The following CNBD1 variants were observed in gnomAD, a reference collection of about 807,000 sequenced individuals.
CNBD1 encodes the protein cyclic nucleotide-binding domain-containing protein 1.
A neutral mutation model predicts 54.4 loss-of-function variants in CNBD1; 71 were observed. The ratio of observed to expected loss-of-function variants is 1.30; its 90% CI spans 1.08 to 1.59. The LOEUF (loss-of-function observed/expected upper bound fraction) is 1.59. Among genes scored for constraint, CNBD1 ranks in the 40% most tolerant of loss-of-function variants. CNBD1 has a pLI of 0.00. For missense variants in CNBD1, 659 were observed against 518.0 expected (o/e 1.27, Z -2.64); for synonymous variants, 182 against 170.7 (o/e 1.07, Z -0.51).
chr8:87,030,522 A>T (rs994454835), intron 4 of CNBD1, among the ~76,000 whole-genome samples: 4 of 152,118 alleles, frequency 2.6e-5, no homozygotes, highest in South Asian at 2.1e-4. Flanking sequence ...CTTTATCTCC[A>T]TGCTACATAT....
chr8:86,932,571 A>G lies in CNBD1; in HGVS notation c.273-7025A>G, dbSNP rs145095537. On this transcript the variant is annotated intron_variant, in intron 3 of 10. Transcript: ENST00000518476. ...TGAAAGGAAAGCTTGGACATAAGGT[A>G]TTTCACTCCATTTGCCTTCCCTCTT... 3.3e-4 allele frequency among the ~76,000 whole-genome samples: 50 copies of G among 152,208 alleles called. No homozygotes were observed. In the East Asian group the frequency reaches 8.3e-3, roughly 25 times the overall value.
At chr8:87,336,339 G>T (rs1158964769) in intron 8 of CNBD1, among the ~76,000 whole-genome samples, 1 of 152,040 alleles carries the variant, frequency 6.6e-6, no homozygotes, top group African/African-American at 2.4e-5. Flanking sequence ...ACTCCAGTTA[G>T]TTGTAGGTTC....
chr8:87,040,000 C>A (rs1252109135), intron 4 of CNBD1, among the ~76,000 whole-genome samples: 1 of 152,198 alleles, frequency 6.6e-6, no homozygotes, highest in Non-Finnish European at 1.5e-5. Context: ...CCATCAAATA[C>A]AGGGTCTGCA....
intron 4 of CNBD1, among the ~76,000 whole-genome samples, chr8:87,170,420 T>C (rs1377332811): frequency 1.3e-5 from 2 of 152,178 alleles, no homozygotes; most frequent in Non-Finnish European, 2.9e-5. Flanking sequence ...AACTTTCTCT[T>C]ATCTGATCGC....
rs145487004 is a variant in CNBD1, at chr8:86,945,151, GA to G, written c.431+5404del. On this transcript the variant is annotated intron_variant, in intron 4 of 10. Coordinates refer to ENST00000518476, the MANE Select transcript of CNBD1 (RefSeq NM_173538.3). Reference sequence around the variant, plus strand: ...TCTTCATAAATGACTAATTTCTGGGGAAAAAAAGTTATGTTTGTATGTATTT... The same window carrying G: ...TCTTCATAAATGACTAATTTCTGGGGAAAAAAGTTATGTTTGTATGTATTT... Among the ~76,000 whole-genome samples, 1,404 of 152,170 alleles carry G rather than the reference GA, an allele frequency of 9.2e-3. 19 individuals are homozygous for G. The highest frequency in any genetic ancestry group is 0.037 in the Middle Eastern group (11 of 294).
chr8:86,927,246 C>A (rs895531249), intron 3 of CNBD1, among the ~76,000 whole-genome samples: 1 of 151,970 alleles, frequency 6.6e-6, no homozygotes, highest in African/African-American at 2.4e-5. Context: ...GAGAAAAAAC[C>A]ATTTTGTATT....
At chr8:87,354,423 T>C (rs7830365) in intron 10 of CNBD1, among the ~76,000 whole-genome samples, 40,750 of 151,738 alleles carry the variant, frequency 0.27, 6,415 homozygotes, top group Middle Eastern at 0.41. Context: ...ATTATTATTA[T>C]ACTTTAAGTT....
At chr8:86,987,563 C>G (rs965037886) in intron 4 of CNBD1, among the ~76,000 whole-genome samples, 1 of 152,080 alleles carries the variant, frequency 6.6e-6, no homozygotes, top group Non-Finnish European at 1.5e-5. Context: ...TGAGAGTGGG[C>G]TTCCTTGTCT....
chr8:86,897,437 G>C (rs1437261223), intron 2 of CNBD1, among the ~76,000 whole-genome samples: 1 of 152,152 alleles, frequency 6.6e-6, no homozygotes, highest in Non-Finnish European at 1.5e-5. Context: ...ATGGTATGGA[G>C]TATGAAAAGA....
chr8:86,939,195 TTAAA>T (rs1809605783), intron 3 of CNBD1, among the ~76,000 whole-genome samples: 2 of 152,054 alleles, frequency 1.3e-5, no homozygotes, highest in Non-Finnish European at 2.9e-5. Flanking sequence ...TAAATAAAAG[TTAAA>T]TAATATAATT....
intron 4 of CNBD1, among the ~76,000 whole-genome samples, chr8:87,032,699 CCAAT>C (rs769829001): frequency 3.3e-5 from 5 of 152,132 alleles, no homozygotes; most frequent in Non-Finnish European, 7.3e-5. Flanking sequence ...CTATATGTTA[CCAAT>C]CATTCTTCCA....
At chr8:87,005,403 A>G (rs1408770166) in intron 4 of CNBD1, among the ~76,000 whole-genome samples, 1 of 152,058 alleles carries the variant, frequency 6.6e-6, no homozygotes, top group Non-Finnish European at 1.5e-5. Flanking sequence ...CCAAATCTAT[A>G]TTTTGTGATA....
intron 3 of CNBD1, among the ~76,000 whole-genome samples, chr8:86,922,066 A>T (rs568504590): frequency 1.9e-4 from 29 of 152,234 alleles, no homozygotes; most frequent in African/African-American, 6.3e-4. Context: ...GGAATGTTTA[A>T]GTTGAAGGAT....
intron 4 of CNBD1, among the ~76,000 whole-genome samples, chr8:87,123,832 A>G (rs960143269): frequency 6.6e-6 from 1 of 151,586 alleles, no homozygotes; most frequent in Non-Finnish European, 1.5e-5. Context: ...ACACATTATA[A>G]CTGATATTAC....
intron 2 of CNBD1, among the ~76,000 whole-genome samples, chr8:87,427,958 C>G (rs1356193736): frequency 1.3e-5 from 2 of 152,136 alleles, no homozygotes; most frequent in Non-Finnish European, 2.9e-5. Flanking sequence ...ATACTTCCTT[C>G]TAAATCCTAT....
chr8:87,102,928 A>T (rs1400921129), intron 4 of CNBD1, among the ~76,000 whole-genome samples: 1 of 152,132 alleles, frequency 6.6e-6, no homozygotes, highest in Non-Finnish European at 1.5e-5. Flanking sequence ...GACTTGTTAA[A>T]TGATAAAAGA....
intron 2 of CNBD1, among the ~76,000 whole-genome samples, chr8:87,397,522 A>C (rs1307516100): frequency 1.3e-5 from 2 of 152,006 alleles, no homozygotes; most frequent in Non-Finnish European, 2.9e-5. Context: ...CAGATAGTTC[A>C]TGACAAGAGA....
At chr8:87,341,133 T>C (rs751728233) in intron 8 of CNBD1, among the ~76,000 whole-genome samples, 1 of 152,202 alleles carries the variant, frequency 6.6e-6, no homozygotes, top group Non-Finnish European at 1.5e-5. Context: ...TGTAAATTTC[T>C]AATTCAAGAT....
rs562657074 is a variant in CNBD1 at position 87,340,020 on chromosome 8, TC to T, written c.1043-11664del. Among the ~76,000 whole-genome samples, 188 of 152,328 alleles carry T rather than the reference TC, an allele frequency of 1.2e-3. 1 individual carries two copies. Among genetic ancestry groups the T allele is most frequent in the African/African-American group, 4.4e-3 (181 of 41,584 alleles). On this transcript the variant is annotated intron_variant, in intron 8 of 10. Coordinates refer to ENST00000518476, the MANE Select transcript of CNBD1 (RefSeq NM_173538.3). ...TATGCTTTCATGTTGTGGTTTAGCA[TC>T]TTTTCAATTTAACTTGAAGGACTCC...
Sources: allele counts gnomAD v4.1 joint callset (sites outside exome capture counted in the v4.1 genomes callset), GRCh38; gene constraint gnomAD v4.1.1; transcripts MANE v1.5; gene names NCBI Gene and HGNC (gene_info 2026-07-23, HGNC 2026-07-21).